Variants in RHBDL2 observed in about 807,000 individuals in gnomAD.
The protein encoded by RHBDL2 is rhomboid-related protein 2.
RHBDL2 carries 26 observed loss-of-function variants against 31.7 expected under a neutral mutation model. The observed-to-expected ratio is 0.82, with a 90% CI of 0.60 to 1.14. The LOEUF (loss-of-function observed/expected upper bound fraction) is 1.14, where lower values mean the gene tolerates loss of function less well. RHBDL2 is among the 50% of genes most tolerant of loss of function. The probability of loss-of-function intolerance (pLI) is 0.00; values close to 1 mark genes in which losing one functional copy is unlikely to be tolerated. For synonymous variants in RHBDL2, 123 were observed against 127.2 expected, an observed-to-expected ratio of 0.97 and a Z score of 0.22; for missense variants, 336 against 364.4, an observed-to-expected ratio of 0.92 and a Z score of 0.63.
chr1:38,927,503 C>T (rs988476508), intron 1 of RHBDL2, among the ~76,000 whole-genome samples: 2 of 152,192 alleles, frequency 1.3e-5, no homozygotes, highest in African/African-American at 4.8e-5. Flanking sequence ...ATCATTCTAC[C>T]ATCACTGGGC....
intron 1 of RHBDL2, among the ~76,000 whole-genome samples, chr1:38,938,475 C>G (rs1218569081): frequency 6.6e-6 from 1 of 152,122 alleles, no homozygotes; most frequent in African/African-American, 2.4e-5. Context: ...GAGCCCCTAG[C>G]AGTTCCAGCT....
chr1:38,912,406 G>GT lies in RHBDL2; in HGVS notation c.396-973dup, dbSNP rs569035679. ...ACGCATGAGCCACCGCGCCTGGCCCGTTTTTTTTTTTTCTTGAGACAGGGT... is the reference window on the plus strand; with the variant it reads ...ACGCATGAGCCACCGCGCCTGGCCCGTTTTTTTTTTTTTCTTGAGACAGGGT... On this transcript the variant is annotated intron_variant, in intron 3 of 7. Coordinates refer to ENST00000372990, the MANE Select transcript of RHBDL2 (RefSeq NM_017821.5). Among the ~76,000 whole-genome samples, 519 of 143,702 alleles carry GT rather than the reference G, an allele frequency of 3.6e-3. 2 individuals carry two copies. The highest frequency in any genetic ancestry group is 6.4e-3 in the African/African-American group (254 of 39,538). 94.3% of individuals were successfully genotyped at this position (143,702 alleles called of 152,430 possible).
chr1:38,941,392 G>A (rs1230149393), intron 1 of RHBDL2, among the ~76,000 whole-genome samples: 2 of 152,114 alleles, frequency 1.3e-5, no homozygotes, highest in African/African-American at 2.4e-5. Context: ...GTGAAGGGCA[G>A]GGAAGAGGAA....
intron 1 of RHBDL2, among the ~76,000 whole-genome samples, chr1:38,933,085 T>C (rs1018112978): frequency 4.6e-5 from 7 of 152,220 alleles, no homozygotes; most frequent in African/African-American, 1.2e-4. Context: ...AGGATCCTAA[T>C]GGCAAATGAT....
In RHBDL2 at chr1:38,915,574, A is replaced by C. The variant is rs748165130; in HGVS notation, c.383T>G (p.Leu128Arg). 1 of 1,614,176 alleles carries C rather than the reference A, an allele frequency of 6.2e-7. No homozygotes were observed. The highest frequency in any genetic ancestry group is 1.1e-5 in the South Asian group (1 of 91,078). The change falls in exon 3 of 8, where the codon CTG (leucine) becomes CGG (arginine). Residue 128 changes from leucine to arginine, a missense_variant. By Grantham distance (102) the Leu-to-Arg change is moderately radical (BLOSUM62 -2). Transcript: ENST00000372990. ...EEAWRFISYM[L>R]VHAGVQHILG... ...TATCATTGCTTACCCAGCATGTACC[A>C]GCATGTATGAGATAAACCTCCAGGC... is the stretch of plus-strand genomic sequence containing the variant.
intron 1 of RHBDL2, chr1:38,929,558 GC>G: frequency 7.8e-7 from 1 of 1,289,020 alleles, no homozygotes; most frequent in Non-Finnish European, 1.0e-6. Context: ...TAAACAGCTG[GC>G]CCCACCCATT....
At chr1:38,939,716 A>G (rs1643543473) in intron 1 of RHBDL2, among the ~76,000 whole-genome samples, 1 of 151,982 alleles carries the variant, frequency 6.6e-6, no homozygotes, top group Non-Finnish European at 1.5e-5. Flanking sequence ...ATTTTGTTTT[A>G]TTTTTTGTAG....
chr1:38,921,814 T>C (rs1452237114), intron 1 of RHBDL2, among the ~76,000 whole-genome samples: 1 of 152,194 alleles, frequency 6.6e-6, no homozygotes, highest in East Asian at 1.9e-4. Context: ...CGTCTCATAA[T>C]TGACAAAACT....
At chr1:38,934,112 C>A (rs993731142) in intron 1 of RHBDL2, among the ~76,000 whole-genome samples, 1 of 151,488 alleles carries the variant, frequency 6.6e-6, no homozygotes, top group African/African-American at 2.4e-5. Flanking sequence ...CTTTGGGAAA[C>A]TGAGGTGGGT....
At chr1:38,913,856 C>T (rs547382929) in intron 3 of RHBDL2, among the ~76,000 whole-genome samples, 3 of 152,244 alleles carry the variant, frequency 2.0e-5, no homozygotes, top group Non-Finnish European at 2.9e-5. Context: ...CAGTGGCTCA[C>T]GCCTGTAATC....
At chr1:38,916,960 T>C (rs2124334910) in intron 2 of RHBDL2, among the ~76,000 whole-genome samples, 1 of 149,914 alleles carries the variant, frequency 6.7e-6, no homozygotes, top group African/African-American at 2.4e-5. Context: ...CAATGTACTA[T>C]GGAAATGTAG....
At chr1:38,941,173 G>C (rs1379300342) in intron 1 of RHBDL2, among the ~76,000 whole-genome samples, 1 of 152,188 alleles carries the variant, frequency 6.6e-6, no homozygotes, top group Non-Finnish European at 1.5e-5. Flanking sequence ...GAAAGATTGA[G>C]TGAAATCTCT....
At chr1:38,922,815 G>C (rs954985726) in intron 1 of RHBDL2, among the ~76,000 whole-genome samples, 1 of 152,242 alleles carries the variant, frequency 6.6e-6, no homozygotes, top group Admixed American at 6.5e-5. Context: ...ACTTAGGCCG[G>C]GCACAGTGGC....
intron 4 of RHBDL2, among the ~76,000 whole-genome samples, chr1:38,897,161 C>T (rs57418384): frequency 0.043 from 6,427 of 150,676 alleles, 470 homozygotes; most frequent in African/African-American, 0.15. Context: ...AGTGCAGTGG[C>T]GTGATCTCAG....
chr1:38,891,875 C>T (rs1219305275), intron 6 of RHBDL2, among the ~76,000 whole-genome samples: 1 of 152,174 alleles, frequency 6.6e-6, no homozygotes, highest in African/African-American at 2.4e-5. Flanking sequence ...TCTGCCTTGG[C>T]TTTCAGGTCT....
At chr1:38,928,896 A>C (rs1241869251) in intron 1 of RHBDL2, among the ~76,000 whole-genome samples, 3 of 152,040 alleles carry the variant, frequency 2.0e-5, no homozygotes, top group Non-Finnish European at 2.9e-5. Context: ...GCCTTTCTCT[A>C]CAAAAAAAAA....
intron 4 of RHBDL2, among the ~76,000 whole-genome samples, chr1:38,901,933 A>C (rs1425719300): frequency 6.6e-6 from 1 of 151,702 alleles, no homozygotes; most frequent in Non-Finnish European, 1.5e-5. Flanking sequence ...CAGAGATTTC[A>C]ATAATCCTTT....
At chr1:38,896,098 C>T (rs771244860) in intron 4 of RHBDL2, 29 bp from the exon 5 acceptor site, 5 of 1,468,240 alleles carry the variant, frequency 3.4e-6, no homozygotes, top group Middle Eastern at 1.7e-4. Context: ...AAGGATCAGA[C>T]ATGACTATAC....
chr1:38,893,271 T>C (rs373691831), intron 5 of RHBDL2, 47 bp from the exon 6 acceptor site: 39 of 907,468 alleles, frequency 4.3e-5, no homozygotes, highest in Middle Eastern at 2.6e-4. Flanking sequence ...TATGGACAAA[T>C]GAAACCTCAA....
Sources: allele counts gnomAD v4.1 joint callset (sites outside exome capture counted in the v4.1 genomes callset), GRCh38; gene constraint gnomAD v4.1.1; transcripts MANE v1.5; gene names NCBI Gene and HGNC (gene_info 2026-07-23, HGNC 2026-07-21).